CDH13: variants seen among roughly 807,000 people sequenced by gnomAD.
The protein encoded by CDH13 is cadherin 13.
CDH13 carries 24 observed loss-of-function variants against 63.8 expected under a neutral mutation model. The observed-to-expected ratio is 0.38, with a 90% CI of 0.27 to 0.53. The LOEUF (loss-of-function observed/expected upper bound fraction) is 0.53, where lower values mean the gene tolerates loss of function less well. Ranked by LOEUF, CDH13 falls within the 20% of genes least tolerant of loss-of-function variation. The pLI is 0.85. For missense variants in CDH13, 1,049 were observed against 903.1 expected (o/e 1.16, Z -2.07); for synonymous variants, 503 against 355.3 (o/e 1.42, Z -4.67).
At chr16:83,292,768 G>A (rs2089495459) in intron 5 of CDH13, among the ~76,000 whole-genome samples, 1 of 152,174 alleles carries the variant, frequency 6.6e-6, no homozygotes, top group Non-Finnish European at 1.5e-5. Context: ...GAAAATCAGT[G>A]TTATAAGAGC....
At chr16:82,663,273 G>A (rs1336735949) in intron 1 of CDH13, among the ~76,000 whole-genome samples, 1 of 152,124 alleles carries the variant, frequency 6.6e-6, no homozygotes, top group Non-Finnish European at 1.5e-5. Context: ...CGCAACCTCT[G>A]CCTCCTAGGT....
At chr16:83,267,449 G>C (rs12934063) in intron 5 of CDH13, among the ~76,000 whole-genome samples, 1 of 152,086 alleles carries the variant, frequency 6.6e-6, no homozygotes, top group African/African-American at 2.4e-5. Flanking sequence ...CTTTCTGTGT[G>C]TGCGATGATT....
At chr16:82,642,612 G>A (rs750728669) in intron 1 of CDH13, among the ~76,000 whole-genome samples, 2 of 152,208 alleles carry the variant, frequency 1.3e-5, no homozygotes, top group African/African-American at 2.4e-5. Flanking sequence ...TGTGCATTAC[G>A]TAAGGCAAGA....
intron 8 of CDH13, among the ~76,000 whole-genome samples, chr16:83,656,396 T>A (rs1325693287): frequency 1.3e-5 from 2 of 152,114 alleles, no homozygotes; most frequent in Non-Finnish European, 2.9e-5. Flanking sequence ...AGGTGCCTGT[T>A]AGACACCCAG....
intron 6 of CDH13, among the ~76,000 whole-genome samples, chr16:83,371,801 C>T (rs1446030980): frequency 6.6e-6 from 1 of 152,196 alleles, no homozygotes; most frequent in Non-Finnish European, 1.5e-5. Flanking sequence ...GACAGTGCTT[C>T]ACGAGTCTTT....
intron 11 of CDH13, among the ~76,000 whole-genome samples, chr16:83,776,479 G>A (rs1258543580): frequency 6.6e-6 from 1 of 152,164 alleles, no homozygotes; most frequent in African/African-American, 2.4e-5. Context: ...TCCTTCAAAT[G>A]ATCAATTGCA....
intron 2 of CDH13, among the ~76,000 whole-genome samples, chr16:82,885,096 C>T (rs2040836733): frequency 6.6e-6 from 1 of 152,282 alleles, no homozygotes. Context: ...TGTTGTTCAG[C>T]TCTTGTTCTA....
intron 5 of CDH13, among the ~76,000 whole-genome samples, chr16:83,340,342 G>A (rs976552902): frequency 1.3e-4 from 19 of 151,932 alleles, no homozygotes; most frequent in Non-Finnish European, 1.8e-4. Context: ...GCGCATGTGC[G>A]TGCTGCTCCA....
At chr16:83,550,634 C>T (rs2075473223) in intron 7 of CDH13, among the ~76,000 whole-genome samples, 1 of 152,192 alleles carries the variant, frequency 6.6e-6, no homozygotes, top group Non-Finnish European at 1.5e-5. Context: ...ATCAATGCCT[C>T]TGATGAATGT....
intron 1 of CDH13, among the ~76,000 whole-genome samples, chr16:82,714,117 G>A (rs2032173910): frequency 6.6e-6 from 1 of 152,094 alleles, no homozygotes; most frequent in African/African-American, 2.4e-5. Context: ...GTTGTTTTAA[G>A]CCACTACATT....
intron 3 of CDH13, among the ~76,000 whole-genome samples, chr16:83,124,975 C>T (rs1356326782): frequency 6.6e-6 from 1 of 152,134 alleles, no homozygotes; most frequent in Non-Finnish European, 1.5e-5. Context: ...TAGTTCTTTT[C>T]ACTTAGGATT....
intron 7 of CDH13, among the ~76,000 whole-genome samples, chr16:83,519,885 G>T (rs575373691): frequency 3.3e-5 from 5 of 152,056 alleles, no homozygotes; most frequent in African/African-American, 1.2e-4. Flanking sequence ...AGGAAGAGTC[G>T]CAGATGATCA....
At chr16:83,528,529 G>A (rs1334010946) in intron 7 of CDH13, among the ~76,000 whole-genome samples, 1 of 152,084 alleles carries the variant, frequency 6.6e-6, no homozygotes, top group Non-Finnish European at 1.5e-5. Flanking sequence ...TCGTCTAAGA[G>A]CCCTTGGGAG....
At chr16:83,223,981 T>C (rs2039774247) in intron 5 of CDH13, among the ~76,000 whole-genome samples, 1 of 152,150 alleles carries the variant, frequency 6.6e-6, no homozygotes, top group Non-Finnish European at 1.5e-5. Context: ...TTATTCCTCA[T>C]TCCCTTCCCA....
intron 6 of CDH13, among the ~76,000 whole-genome samples, chr16:83,371,502 T>C (rs971841101): frequency 1.3e-5 from 2 of 152,232 alleles, no homozygotes; most frequent in Non-Finnish European, 2.9e-5. Flanking sequence ...ACATCTGCTG[T>C]TGTGAAAGAT....
chr16:83,517,402 C>A (rs898948313), intron 7 of CDH13, among the ~76,000 whole-genome samples: 44 of 152,328 alleles, frequency 2.9e-4, no homozygotes, highest in African/African-American at 1.0e-3. Context: ...CATGGGTCTG[C>A]TGGGGAGCTC....
intron 1 of CDH13, chr16:82,639,279 G>A (rs935669958): frequency 2.2e-6 from 2 of 919,530 alleles, no homozygotes; most frequent in African/African-American, 3.3e-5. Flanking sequence ...TTCCTGTCTG[G>A]GCTACTGATT....
chr16:83,466,030 C>T (rs1028920364), intron 6 of CDH13, among the ~76,000 whole-genome samples: 5 of 152,178 alleles, frequency 3.3e-5, no homozygotes. Flanking sequence ...AACCTACACA[C>T]ATGTGCTGAA....
chr16:83,536,403 A>G (rs1471311540), intron 7 of CDH13, among the ~76,000 whole-genome samples: 2 of 152,132 alleles, frequency 1.3e-5, no homozygotes, highest in East Asian at 3.9e-4. Context: ...GGGTGAATCA[A>G]GAGGATGAGG....
Sources: gnomAD v4.1 joint callset for allele counts (sites outside exome capture counted in the v4.1 genomes callset) on GRCh38, gnomAD v4.1.1 for gene constraint, MANE v1.5 for transcripts, NCBI Gene and HGNC (gene_info 2026-07-23, HGNC 2026-07-21) for gene names.